The following SOX5 variants were observed in gnomAD, a reference collection of about 807,000 sequenced individuals.
SOX5 encodes the protein SRY-box transcription factor 5.
In SOX5, 9 loss-of-function variants were observed where a neutral mutation model predicts 92.0. The ratio of observed to expected loss-of-function variants is 0.10; its 90% confidence interval spans 0.06 to 0.17. SOX5 has a LOEUF of 0.17. SOX5 is among the 10% of genes least tolerant of loss of function. The probability of loss-of-function intolerance (pLI) is 1.00; values close to 1 mark genes in which losing one functional copy is unlikely to be tolerated. For missense variants in SOX5, 642 were observed against 944.5 expected, an observed-to-expected ratio of 0.68 and a Z score of 4.20; for synonymous variants, 344 against 336.3, an observed-to-expected ratio of 1.02 and a Z score of -0.25.
chr12:24,046,007 G>A (rs775613336), intron 4 of SOX5, among the ~76,000 whole-genome samples: 10 of 152,156 alleles, frequency 6.6e-5, no homozygotes, highest in African/African-American at 1.4e-4. Context: ...TGCCAGTTGC[G>A]CGGTTTGCCC....
At chr12:23,816,226 G>A (rs1440114088) in intron 3 of SOX5, among the ~76,000 whole-genome samples, 2 of 88,902 alleles carry the variant, frequency 2.2e-5, no homozygotes, top group Non-Finnish European at 4.7e-5. Flanking sequence ...TTTTTTTTTT[G>A]TTGGATGGAG....
intron 2 of SOX5, among the ~76,000 whole-genome samples, chr12:23,888,890 T>C (rs1332947329): frequency 6.6e-6 from 1 of 152,238 alleles, no homozygotes; most frequent in African/African-American, 2.4e-5. Context: ...CTTGTTTCAA[T>C]TGAATTAGCC....
intron 3 of SOX5, among the ~76,000 whole-genome samples, chr12:23,819,568 C>T (rs937464153): frequency 1.3e-5 from 2 of 152,076 alleles, no homozygotes; most frequent in African/African-American, 2.4e-5. Context: ...CTAATGCTAT[C>T]CCTCCCCTAG....
At chr12:23,978,424 T>C (rs1949157330) in intron 4 of SOX5, among the ~76,000 whole-genome samples, 1 of 152,192 alleles carries the variant, frequency 6.6e-6, no homozygotes. Flanking sequence ...GCAGAAGCAA[T>C]ATTAGTTACA....
rs750833810 is a variant in SOX5 at position 23,536,454 on chromosome 12, C to T, written c.1987G>A (p.Gly663Arg). ...GAAAAATGACTAAAAGGTACATACC[C>T]AACATTGAAGTACTGCCGCATTTCC... The part of the protein sequence containing the change: ...RQEMRQYFNV[G>R]QQAQIPIATA... Residue 663 changes from glycine to arginine, a missense_variant and splice_region_variant, in exon 14 of 15, where the codon GGG (glycine) becomes AGG (arginine). Gly to Arg is a moderately radical substitution (Grantham distance 125). This residue lies in a region of SOX5 where 130 missense variants were observed against 140.6 expected (regional missense o/e 0.92). Transcript: ENST00000451604. 6.2e-7 allele frequency: 1 copy of T among 1,612,912 alleles called. No homozygotes were observed.
At chr12:24,086,190 A>G (rs1371144290) in intron 4 of SOX5, among the ~76,000 whole-genome samples, 1 of 151,802 alleles carries the variant, frequency 6.6e-6, no homozygotes, top group Non-Finnish European at 1.5e-5. Context: ...GGGAAAATGC[A>G]GTACATTTTT....
chr12:24,386,829 A>G (rs1482353800), intron 1 of SOX5, among the ~76,000 whole-genome samples: 1 of 152,240 alleles, frequency 6.6e-6, no homozygotes, highest in Non-Finnish European at 1.5e-5. Flanking sequence ...AGAATTATGT[A>G]ATTTCTAAAA....
intron 4 of SOX5, among the ~76,000 whole-genome samples, chr12:24,003,503 TA>T (rs1242952747): frequency 1.3e-5 from 2 of 152,024 alleles, no homozygotes; most frequent in African/African-American, 4.8e-5. Context: ...TATACTTCTA[TA>T]TACTAGCAAT....
rs1316609397 is a variant in SOX5, at chr12:23,530,039, T to C, written c.*4180A>G. On this transcript the variant is annotated 3_prime_UTR_variant, in exon 15 of 15. Coordinates refer to ENST00000451604, the MANE Select transcript of SOX5 (RefSeq NM_006940.6). ...AACACATCGTCTTCAACCTGGGAAG[T>C]TGATAGTTATAGGATACTTTAAAAT... 3.3e-5 allele frequency: 5 copies of C among 152,184 alleles called. No individual in the cohort carries two copies. Among genetic ancestry groups the C allele is most frequent in the Admixed American group, 2.0e-4 (3 of 15,262 alleles). 9.4% of individuals were successfully genotyped at this position (152,184 alleles called of 1,614,324 possible). A position where few individuals can be genotyped will look rare whatever the true frequency, so the allele number is the denominator to read the frequency against.
At chr12:24,040,866 C>T (rs977016372) in intron 4 of SOX5, among the ~76,000 whole-genome samples, 1 of 151,792 alleles carries the variant, frequency 6.6e-6, no homozygotes, top group African/African-American at 2.4e-5. Context: ...GAGCAAGACG[C>T]TGTCTCAAGG....
intron 7 of SOX5, among the ~76,000 whole-genome samples, chr12:23,659,465 C>T (rs1012960756): frequency 6.6e-6 from 1 of 152,138 alleles, no homozygotes; most frequent in Admixed American, 6.5e-5. Context: ...AAGCTAATCT[C>T]ATGAGGCAAT....
intron 4 of SOX5, among the ~76,000 whole-genome samples, chr12:24,163,031 C>G (rs182982227): frequency 6.6e-5 from 10 of 152,204 alleles, no homozygotes; most frequent in South Asian, 2.1e-4. Context: ...CTCTTCCTAA[C>G]GAGGCCCTAA....
At chr12:24,309,610 A>T (rs1948974376) in intron 2 of SOX5, among the ~76,000 whole-genome samples, 1 of 152,206 alleles carries the variant, frequency 6.6e-6, no homozygotes, top group Non-Finnish European at 1.5e-5. Context: ...CAAATTAATT[A>T]AGGCAAAGTT....
At chr12:23,711,344 T>C (rs1234195612) in intron 6 of SOX5, among the ~76,000 whole-genome samples, 2 of 152,204 alleles carry the variant, frequency 1.3e-5, no homozygotes, top group Non-Finnish European at 2.9e-5. Flanking sequence ...ATTTATCAAA[T>C]ATACCCTGTG....
At chr12:24,430,465 T>C (rs1401172494) in intron 1 of SOX5, among the ~76,000 whole-genome samples, 1 of 151,824 alleles carries the variant, frequency 6.6e-6, no homozygotes, top group East Asian at 1.9e-4. Flanking sequence ...ATAATATATA[T>C]AAAATTCATT....
chr12:23,979,934 CAGAT>C lies in SOX5; in HGVS notation c.-1-83914_-1-83911del, dbSNP rs1248874163. On this transcript the variant is annotated intron_variant, in intron 4 of 4. Transcript: ENST00000446891. The stretch of plus-strand genomic sequence containing the variant: ...CTGGCCAGACAGACAGACAGACAGA[CAGAT>C]AGATAGATAGATAGACAGACAGACA... Among the ~76,000 whole-genome samples the C allele has an allele frequency of 8.1e-3, 947 of 116,928 alleles. 17 individuals are homozygous for C. The highest frequency in any genetic ancestry group is 0.027 in the African/African-American group (853 of 31,692). The allele number at this position is 116,928 out of a possible 152,430, so 76.7% of individuals were successfully genotyped here. A position where few individuals can be genotyped will look rare whatever the true frequency, so the allele number is the denominator to read the frequency against.
chr12:23,705,671 TA>T (rs930041771), intron 6 of SOX5, among the ~76,000 whole-genome samples: 1 of 152,088 alleles, frequency 6.6e-6, no homozygotes, highest in Non-Finnish European at 1.5e-5. Flanking sequence ...CAAACCACCT[TA>T]ACTGTGGCTC....
chr12:23,714,587 C>T (rs1291393283), intron 6 of SOX5, among the ~76,000 whole-genome samples: 1 of 152,038 alleles, frequency 6.6e-6, no homozygotes, highest in Non-Finnish European at 1.5e-5. Context: ...CGCCACTGTA[C>T]TCCAGTGCGG....
intron 1 of SOX5, among the ~76,000 whole-genome samples, chr12:23,912,368 T>C (rs1412786041): frequency 6.6e-6 from 1 of 152,120 alleles, no homozygotes; most frequent in Non-Finnish European, 1.5e-5. Context: ...GGAGAAGATG[T>C]GGATAAATTG....
Sources: allele counts gnomAD v4.1 joint callset (sites outside exome capture counted in the v4.1 genomes callset), GRCh38; gene constraint gnomAD v4.1.1; regional missense constraint gnomAD v4.1.1; transcripts MANE v1.5; gene names NCBI Gene and HGNC (gene_info 2026-07-23, HGNC 2026-07-21).